The following KIF26B variants were observed in gnomAD, a reference collection of about 807,000 sequenced individuals.
The protein encoded by KIF26B is kinesin-like protein KIF26B.
KIF26B carries 63 observed loss-of-function variants against 151.2 expected under a neutral mutation model. The observed-to-expected ratio is 0.42, with a 90% CI of 0.34 to 0.51. KIF26B has a LOEUF of 0.51. KIF26B is among the 20% of genes least tolerant of loss of function. The pLI is 0.07. For synonymous variants in KIF26B, 1,357 were observed against 1,262.1 expected (o/e 1.08, Z -1.59); for missense variants, 2,813 against 2,913.6 (o/e 0.97, Z 0.79).
chr1:245,501,201 T>C (rs1403223037), intron 4 of KIF26B, among the ~76,000 whole-genome samples: 1 of 152,058 alleles, frequency 6.6e-6, no homozygotes, highest in Non-Finnish European at 1.5e-5. Context: ...CCAGGCCACC[T>C]GGGTCCAGAT....
At chr1:245,158,870 G>GTGGT (rs556695816) in intron 2 of KIF26B, among the ~76,000 whole-genome samples, 947 of 42,640 alleles carry the variant, frequency 0.022, 1 homozygote, top group African/African-American at 0.038. Context: ...GTGTGTGTGT[G>GTGGT]GTGTGTGTTT....
intron 5 of KIF26B, among the ~76,000 whole-genome samples, chr1:245,546,431 G>A (rs1487183930): frequency 2.0e-5 from 3 of 151,830 alleles, no homozygotes; most frequent in Non-Finnish European, 4.4e-5. Flanking sequence ...TGTTGTTCAG[G>A]AGGTGATGCC....
intron 9 of KIF26B, among the ~76,000 whole-genome samples, chr1:245,619,305 T>A (rs1035256503): frequency 6.6e-6 from 1 of 152,238 alleles, no homozygotes; most frequent in Non-Finnish European, 1.5e-5. Flanking sequence ...GCGTCAGTGC[T>A]CAGGTCTCCT....
At chr1:245,260,324 C>T (rs1279892293) in intron 2 of KIF26B, among the ~76,000 whole-genome samples, 1 of 152,148 alleles carries the variant, frequency 6.6e-6, no homozygotes, top group Admixed American at 6.5e-5. Flanking sequence ...CAGGCCAGTG[C>T]AGTACTGAGA....
chr1:245,528,877 A>G (rs1661299938), intron 4 of KIF26B, among the ~76,000 whole-genome samples: 1 of 152,214 alleles, frequency 6.6e-6, no homozygotes, highest in Admixed American at 6.5e-5. Flanking sequence ...ATCTTGACCT[A>G]GAACTTGTTG....
At chr1:245,183,938 T>C (rs1023889553) in intron 2 of KIF26B, among the ~76,000 whole-genome samples, 4 of 151,974 alleles carry the variant, frequency 2.6e-5, no homozygotes, top group African/African-American at 4.8e-5. Context: ...TACTGTCATA[T>C]AGTTATTTGA....
At chr1:245,237,006 C>T (rs182142812) in intron 2 of KIF26B, among the ~76,000 whole-genome samples, 2 of 152,334 alleles carry the variant, frequency 1.3e-5, no homozygotes, top group Admixed American at 6.5e-5. Flanking sequence ...GTCTCTGGTC[C>T]GTGTGATCAC....
Position 245,607,637 on chromosome 1 carries a change from C to T in KIF26B, c.1558-14C>T, listed in dbSNP as rs1311706329. 2.5e-6 allele frequency: 4 copies of T among 1,598,576 alleles called. No individual in the cohort carries two copies. The highest frequency in any genetic ancestry group is 3.4e-6 in the Non-Finnish European group (4 of 1,172,398). On this transcript the variant is annotated splice_polypyrimidine_tract_variant and intron_variant, in intron 6 of 14. Coordinates refer to ENST00000407071, the MANE Select transcript of KIF26B (RefSeq NM_018012.4). ...GGTCCATTCACGGCTCGTGTCTCCT[C>T]TTGTGTCTGACAGGCTGAAGTGTGT...
At position 245,688,372 on chromosome 1, in the gene KIF26B, T is replaced by G. The variant is rs1254892267; in HGVS notation, c.5389T>G (p.Ser1797Ala). The G allele has an allele frequency of 3.9e-6, 6 of 1,539,752 alleles. No homozygotes were observed. The highest frequency in any genetic ancestry group is 4.3e-6 in the Non-Finnish European group (5 of 1,151,732). The change falls in exon 12 of 15, where the codon TCC (serine) becomes GCC (alanine). Residue 1797 changes from serine to alanine, a missense_variant. Coordinates refer to ENST00000407071, the MANE Select transcript of KIF26B (RefSeq NM_018012.4). ...CAGGAACAGGAGCTCGGGCCTGGCC[T>G]CCAAGCTTCCCCTGCGGGCCGTCAG... ...LSRNRSSGLA[S>A]KLPLRAVSGR...
rs111477947 is a variant in KIF26B, at chr1:245,319,092, C to T, written c.466-47742C>T. Among the ~76,000 whole-genome samples, 637 of 152,288 alleles carry T rather than the reference C, an allele frequency of 4.2e-3. 3 individuals are homozygous for T. The highest frequency in any genetic ancestry group is 0.014 in the Middle Eastern group (4 of 294). On this transcript the variant is annotated intron_variant, in intron 2 of 14. Coordinates refer to ENST00000407071, the MANE Select transcript of KIF26B (RefSeq NM_018012.4). ...CAAGGAGGTTAAACTCAGTAGAGAG[C>T]TATGGGTATTCCTTTCCTTTAAGTT...
At chr1:245,169,735 G>A (rs1331052266) in intron 2 of KIF26B, among the ~76,000 whole-genome samples, 2 of 152,120 alleles carry the variant, frequency 1.3e-5, no homozygotes, top group African/African-American at 2.4e-5. Flanking sequence ...TTTTGTGGTG[G>A]TGGTTTCTGC....
chr1:245,559,716 T>A (rs2042920333), intron 5 of KIF26B, among the ~76,000 whole-genome samples: 1 of 151,754 alleles, frequency 6.6e-6, no homozygotes, highest in Non-Finnish European at 1.5e-5. Flanking sequence ...CCAGCCTATT[T>A]TTGTTTTTGT....
intron 2 of KIF26B, chr1:245,214,179 G>GCC (rs1669597160): frequency 6.6e-6 from 1 of 151,996 alleles, no homozygotes; most frequent in Admixed American, 6.6e-5. Context: ...TTGGAGACCA[G>GCC]CCTGGGCAAC....
At chr1:245,614,752 C>T (rs559043224) in intron 9 of KIF26B, 16 of 152,290 alleles carry the variant, frequency 1.1e-4, no homozygotes, top group African/African-American at 3.9e-4. Context: ...GGAGAGGAGC[C>T]GAGGATAGTG....
intron 2 of KIF26B, among the ~76,000 whole-genome samples, chr1:245,217,258 C>G (rs193268330): frequency 6.6e-6 from 1 of 152,002 alleles, no homozygotes. Context: ...CAGGAAACGC[C>G]GTATTGAGGA....
In KIF26B at chr1:245,512,277, A is replaced by G. The variant is rs60597167; in HGVS notation, c.1167-28490A>G. The stretch of plus-strand genomic sequence containing the variant: ...GAGCTACTGTCCCTCCCACCTGTCC[A>G]CCCTGCCTGTTTCCCAGCCCCCATC... On this transcript the variant is annotated intron_variant, in intron 4 of 14. Transcript: ENST00000407071. This position sits in a 1 kb window ranked among gnomAD's most constrained non-coding sequence, Gnocchi z 4.3. 0.016 allele frequency among the ~76,000 whole-genome samples: 2,366 copies of G among 151,998 alleles called. 52 individuals are homozygous for G. Among genetic ancestry groups the G allele is most frequent in the African/African-American group, 0.053 (2,212 of 41,440 alleles).
At chr1:245,476,696 C>T (rs1660049957) in intron 4 of KIF26B, among the ~76,000 whole-genome samples, 1 of 151,376 alleles carries the variant, frequency 6.6e-6, no homozygotes, top group African/African-American at 2.4e-5. Context: ...CCATCATGCC[C>T]AGCGATTTTT....
At position 245,314,344 on chromosome 1, in the gene KIF26B, C is replaced by T. The variant is rs546022414; in HGVS notation, c.466-52490C>T. Among the ~76,000 whole-genome samples, 6 of 152,076 alleles carry T rather than the reference C, an allele frequency of 3.9e-5. No individual in the cohort carries two copies. The East Asian group carries it at 9.7e-4, about 25-fold the overall frequency. On this transcript the variant is annotated intron_variant, in intron 2 of 14. Transcript: ENST00000407071. Reference sequence around the variant, plus strand: ...GTGGGCGCCTGGAATCCCAGCTACTCGGGAGGCCGAGGCAGGAGAATCGCT... The same window carrying T: ...GTGGGCGCCTGGAATCCCAGCTACTTGGGAGGCCGAGGCAGGAGAATCGCT...
intron 4 of KIF26B, among the ~76,000 whole-genome samples, chr1:245,434,599 A>T (rs1466365289): frequency 6.6e-6 from 1 of 152,088 alleles, no homozygotes; most frequent in Non-Finnish European, 1.5e-5. Flanking sequence ...ACTCTGCCCG[A>T]GGGTTTCCTC....
Sources: gnomAD v4.1 joint callset for allele counts (sites outside exome capture counted in the v4.1 genomes callset) on GRCh38, gnomAD v4.1.1 for gene constraint, Gnocchi (gnomAD v3.1) non-coding constraint, MANE v1.5 for transcripts, NCBI Gene and HGNC (gene_info 2026-07-23, HGNC 2026-07-21) for gene names.